PCDHGA10: variants seen among roughly 807,000 people sequenced by gnomAD.
The protein encoded by PCDHGA10 is protocadherin gamma subfamily A, 10.
A neutral mutation model predicts 59.5 loss-of-function variants in PCDHGA10; 42 were observed. That is an observed-to-expected ratio of 0.71 (90% CI 0.55 to 0.91). PCDHGA10 has a LOEUF of 0.91. PCDHGA10 is among the 40% of genes least tolerant of loss of function. The probability of loss-of-function intolerance (pLI) is 0.00; values close to 1 mark genes in which losing one functional copy is unlikely to be tolerated. For missense variants in PCDHGA10, 1,111 were observed against 1,198.2 expected, an observed-to-expected ratio of 0.93 and a Z score of 1.07; for synonymous variants, 511 against 517.2, an observed-to-expected ratio of 0.99 and a Z score of 0.16.
At chr5:141,492,468 G>A (rs927514972) in intron 1 of PCDHGA10, among the ~76,000 whole-genome samples, 1 of 152,232 alleles carries the variant, frequency 6.6e-6, no homozygotes, top group Admixed American at 6.5e-5. Flanking sequence ...GAGGGTCCCA[G>A]ATCGCGGCCG....
intron 1 of PCDHGA10, chr5:141,419,088 T>G (rs2096325159): frequency 1.2e-6 from 2 of 1,613,940 alleles, no homozygotes; most frequent in Non-Finnish European, 1.7e-6. Flanking sequence ...GATGAGGCCC[T>G]GGATCGGGAG....
chr5:141,451,414 A>G (rs934393544), intron 1 of PCDHGA10, among the ~76,000 whole-genome samples: 2 of 152,108 alleles, frequency 1.3e-5, no homozygotes, highest in African/African-American at 2.4e-5. Flanking sequence ...TTCCTTGTGG[A>G]TTGTTAGACT....
rs2099695710 is a variant in PCDHGA10, at chr5:141,490,068, A to G, written c.2437-4739A>G. On this transcript the variant is annotated intron_variant, in intron 1 of 3. Coordinates refer to ENST00000398610, the MANE Select transcript of PCDHGA10 (RefSeq NM_018913.3). This position sits in a 1 kb window ranked among gnomAD's most constrained non-coding sequence, Gnocchi z 5.4. ...ATCCAGACGAGGGCACCAACGGCCA[A>G]CTAGACTATTCTTTTGGAGACCACA... is the stretch of plus-strand genomic sequence containing the variant. 2 of 1,614,152 alleles carry G rather than the reference A, an allele frequency of 1.2e-6. No homozygotes were observed. The highest frequency in any genetic ancestry group is 1.6e-4 in the Middle Eastern group (1 of 6,084).
At position 141,431,738 on chromosome 5, in the gene PCDHGA10, TA is replaced by T; in HGVS notation, c.2436+16128del. ...AGTGCAAGCAATGGATAATGCAGGA[TA>T]TTCTGCGCGAGCCAAAGTCCTGATC... On this transcript the variant is annotated intron_variant, in intron 1 of 3. Coordinates refer to ENST00000398610, the MANE Select transcript of PCDHGA10 (RefSeq NM_018913.3). The surrounding 1 kb of genome is among the most constrained non-coding windows in gnomAD (Gnocchi z 4.8). The T allele has an allele frequency of 6.2e-7, 1 of 1,614,234 alleles. No individual in the cohort carries two copies. Among genetic ancestry groups the T allele is most frequent in the South Asian group, 1.1e-5 (1 of 91,092 alleles).
chr5:141,489,800 A>G lies in PCDHGA10; in HGVS notation c.2437-5007A>G. 6.2e-7 allele frequency: 1 copy of G among 1,614,166 alleles called. No homozygotes were observed. Among genetic ancestry groups the G allele is most frequent in the Non-Finnish European group, 8.5e-7 (1 of 1,179,994 alleles). On this transcript the variant is annotated intron_variant, in intron 1 of 3. Coordinates refer to ENST00000398610, the MANE Select transcript of PCDHGA10 (RefSeq NM_018913.3). This position sits in a 1 kb window ranked among gnomAD's most constrained non-coding sequence, Gnocchi z 4.5. ...TCTCTGAATGTGAAGACCCTAAAAG[A>G]TGGGAAGCCATTCCCAGAGCTGGTG...
Position 141,494,869 on chromosome 5 carries a change from G to A in PCDHGA10, c.2495+4G>A. 6.2e-7 allele frequency: 1 copy of A among 1,614,144 alleles called. No individual in the cohort carries two copies. Among genetic ancestry groups the A allele is most frequent in the Non-Finnish European group, 8.5e-7 (1 of 1,180,010 alleles). On this transcript the variant is annotated splice_donor_region_variant and intron_variant, in intron 2 of 3. Coordinates refer to ENST00000398610, the MANE Select transcript of PCDHGA10 (RefSeq NM_018913.3). The stretch of plus-strand genomic sequence containing the variant: ...CCCAGAGACCCGGCACCAGCGGGTA[G>A]GTGACTGATTCTCCAGCCCACCCTC...
At chr5:141,466,036 G>A (rs981390655) in intron 1 of PCDHGA10, among the ~76,000 whole-genome samples, 17 of 152,064 alleles carry the variant, frequency 1.1e-4, no homozygotes, top group Non-Finnish European at 2.5e-4. Flanking sequence ...GCAGGAGAAC[G>A]GCATGAACCC....
chr5:141,467,042 G>T (rs2099134710), intron 1 of PCDHGA10, among the ~76,000 whole-genome samples: 1 of 149,884 alleles, frequency 6.7e-6, no homozygotes. Context: ...TTTGTGTAAT[G>T]AATCAATGTT....
intron 1 of PCDHGA10, chr5:141,426,887 G>C (rs1309180455): frequency 6.6e-6 from 3 of 456,646 alleles, no homozygotes; most frequent in South Asian, 4.6e-5. Context: ...TGGGCCAGGA[G>C]CAACAGAGCT....
At position 141,477,910 on chromosome 5, in the gene PCDHGA10, G is replaced by C. The variant is rs766164142; in HGVS notation, c.2437-16897G>C. ...TGTCACGGGTGGTAGGCTGGGACGC[G>C]GATGCAGGGCACAATGCCTGGCTCT... On this transcript the variant is annotated intron_variant, in intron 1 of 3. Coordinates refer to ENST00000398610, the MANE Select transcript of PCDHGA10 (RefSeq NM_018913.3). This position sits in a 1 kb window ranked among gnomAD's most constrained non-coding sequence, Gnocchi z 4.9. 3 of 1,614,168 alleles carry C rather than the reference G, an allele frequency of 1.9e-6. No homozygotes were observed. Among genetic ancestry groups the C allele is most frequent in the Non-Finnish European group, 2.5e-6 (3 of 1,180,032 alleles).
Position 141,477,383 on chromosome 5 carries a change from T to A in PCDHGA10, c.2437-17424T>A. 6.2e-7 allele frequency: 1 copy of A among 1,614,102 alleles called. No homozygotes were observed. Among genetic ancestry groups the A allele is most frequent in the Non-Finnish European group, 8.5e-7 (1 of 1,180,006 alleles). On this transcript the variant is annotated intron_variant, in intron 1 of 3. Transcript: ENST00000398610. This position sits in a 1 kb window ranked among gnomAD's most constrained non-coding sequence, Gnocchi z 4.9. Reference sequence around the variant, plus strand: ...CCTGGATCGGGAGACTGTGCCAGAATACAACCTCAGCATCACCGCCCGAGA... The same window carrying A: ...CCTGGATCGGGAGACTGTGCCAGAAAACAACCTCAGCATCACCGCCCGAGA...
At position 141,420,290 on chromosome 5, in the gene PCDHGA10, T is replaced by C. The variant is rs563124810; in HGVS notation, c.2436+4679T>C. 1.3e-5 allele frequency: 19 copies of C among 1,496,908 alleles called. No individual in the cohort carries two copies. The East Asian group carries it at 3.9e-4, about 30-fold the overall frequency. 92.7% of individuals were successfully genotyped at this position (1,496,908 alleles called of 1,614,324 possible). A position where few individuals can be genotyped will look rare whatever the true frequency, so the allele number is the denominator to read the frequency against. ...TCTTAAACAGGTAAGTATTTAAAAA[T>C]GTATTTAATCCTTTTTATATTACAA... On this transcript the variant is annotated intron_variant, in intron 1 of 3. Transcript: ENST00000398610.
Position 141,505,383 on chromosome 5 carries a change from C to T in PCDHGA10, c.2496-10C>T, listed in dbSNP as rs369765886. On this transcript the variant is annotated splice_polypyrimidine_tract_variant and intron_variant, in intron 2 of 3. Coordinates refer to ENST00000398610, the MANE Select transcript of PCDHGA10 (RefSeq NM_018913.3). Reference sequence around the variant, plus strand: ...GGGAGTCTGTGCTCACCATCCTACTCTCTCCCCAGCTCCCAAAATGGCGAT... The same window carrying T: ...GGGAGTCTGTGCTCACCATCCTACTTTCTCCCCAGCTCCCAAAATGGCGAT... The T allele has an allele frequency of 1.2e-6, 2 of 1,613,944 alleles. No individual in the cohort carries two copies. Among genetic ancestry groups the T allele is most frequent in the African/African-American group, 2.7e-5 (2 of 74,914 alleles).
chr5:141,459,574 T>G (rs1163443021), intron 1 of PCDHGA10, among the ~76,000 whole-genome samples: 6 of 152,226 alleles, frequency 3.9e-5, no homozygotes, highest in African/African-American at 1.4e-4. Flanking sequence ...AAAACAGAAT[T>G]GTTTTGGGGG....
In PCDHGA10 at chr5:141,477,955, C is replaced by T. The variant is rs748233998; in HGVS notation, c.2437-16852C>T. The T allele has an allele frequency of 3.7e-6, 6 of 1,614,004 alleles. No homozygotes were observed. Among genetic ancestry groups the T allele is most frequent in the Admixed American group, 3.3e-5 (2 of 59,988 alleles). On this transcript the variant is annotated intron_variant, in intron 1 of 3. Transcript: ENST00000398610. This position sits in a 1 kb window ranked among gnomAD's most constrained non-coding sequence, Gnocchi z 4.9. ...GGCTCTCCTACAGTCTCTTGGGATCCCCTAACCAGAGCCTTTTTGCCATAG... is the reference window on the plus strand; with the variant it reads ...GGCTCTCCTACAGTCTCTTGGGATCTCCTAACCAGAGCCTTTTTGCCATAG...
Position 141,491,364 on chromosome 5 carries a change from C to T in PCDHGA10, c.2437-3443C>T. 1 of 1,614,164 alleles carries T rather than the reference C, an allele frequency of 6.2e-7. No homozygotes were observed. The highest frequency in any genetic ancestry group is 8.5e-7 in the Non-Finnish European group (1 of 1,180,000). On this transcript the variant is annotated intron_variant, in intron 1 of 3. Coordinates refer to ENST00000398610, the MANE Select transcript of PCDHGA10 (RefSeq NM_018913.3). This position sits in a 1 kb window ranked among gnomAD's most constrained non-coding sequence, Gnocchi z 6.9. The stretch of plus-strand genomic sequence containing the variant: ...CCGTCAGTCTCTTATCCCTAGTCAC[C>T]TTCACCTTTCTGTCAGCGAAGTGCC...
chr5:141,462,911 T>C (rs1263378930), intron 1 of PCDHGA10, among the ~76,000 whole-genome samples: 1 of 152,248 alleles, frequency 6.6e-6, no homozygotes, highest in Non-Finnish European at 1.5e-5. Flanking sequence ...ATTATGTTTT[T>C]TGCAGATCAG....
chr5:141,414,412 G>A lies in PCDHGA10; in HGVS notation c.1237G>A (p.Ala413Thr). Residue 413 changes from alanine (A) to threonine (T), a missense_variant, in exon 1 of 4, where the codon GCC becomes ACC. Ala to Thr is a moderately conservative substitution (Grantham distance 58, BLOSUM62 0). Coordinates refer to ENST00000398610, the MANE Select transcript of PCDHGA10 (RefSeq NM_018913.3). The stretch of plus-strand genomic sequence containing the variant: ...TTATTACAGATTGGTGATACACAGA[G>A]CCCTTGACAGGGAACAGGTATCCTC... ...DSYYRLVIHR[A>T]LDREQVSSYN... The A allele has an allele frequency of 6.2e-7, 1 of 1,613,832 alleles. No individual in the cohort carries two copies. Among genetic ancestry groups the A allele is most frequent in the South Asian group, 1.1e-5 (1 of 91,084 alleles).
chr5:141,441,882 C>A, intron 1 of PCDHGA10: 1 of 343,664 alleles, frequency 2.9e-6, no homozygotes, highest in South Asian at 2.6e-5. Context: ...GCTACCTGGT[C>A]ACCAAGGTGG....
Sources: allele counts gnomAD v4.1 joint callset (sites outside exome capture counted in the v4.1 genomes callset), GRCh38; gene constraint gnomAD v4.1.1; non-coding constraint Gnocchi (gnomAD v3.1); transcripts MANE v1.5; gene names NCBI Gene and HGNC (gene_info 2026-07-23, HGNC 2026-07-21).